Variants in SYCP2 observed in about 807,000 individuals in gnomAD.
The protein encoded by SYCP2 is synaptonemal complex protein 2, also known as synaptonemal complex lateral element protein.
In SYCP2, 55 loss-of-function variants were observed where a neutral mutation model predicts 211.3. That is an observed-to-expected ratio of 0.26 (90% CI 0.21 to 0.33). SYCP2 has a LOEUF of 0.33. SYCP2 is among the 10% of genes least tolerant of loss of function. The pLI, the probability that SYCP2 is intolerant of heterozygous loss-of-function variation, is 1.00. For synonymous variants in SYCP2, 570 were observed against 555.2 expected, an observed-to-expected ratio of 1.03 and a Z score of -0.37; for missense variants, 1,731 against 1,752.0, an observed-to-expected ratio of 0.99 and a Z score of 0.21.
chr20:59,868,562 G>A lies in SYCP2; in HGVS notation c.3839C>T (p.Thr1280Ile). The A allele has an allele frequency of 3.1e-6, 5 of 1,598,570 alleles. No homozygotes were observed. The highest frequency in any genetic ancestry group is 4.3e-6 in the Non-Finnish European group (5 of 1,175,626). Residue 1280 changes from threonine to isoleucine, a missense_variant, in exon 38 of 45, where the codon ACC (threonine) becomes ATC (isoleucine). Thr to Ile is a moderately conservative substitution (Grantham distance 89, BLOSUM62 -1). This residue lies in a region of SYCP2 where 1,387 missense variants were observed against 1,351.3 expected (regional missense o/e 1.03). Coordinates refer to ENST00000357552, the MANE Select transcript of SYCP2 (RefSeq NM_014258.4). ...TATTCTTTTGCGACTAAGATGTTGG[G>A]TGGGGCCTTAGGAACAGTTAAAGAA... ...PCDATHVSGP[T>I]QHLSRKRIYI...
chr20:59,899,906 T>C (rs946798226), intron 18 of SYCP2: 4 of 479,236 alleles, frequency 8.3e-6, no homozygotes, highest in African/African-American at 5.9e-5. Context: ...ATCTCTAATC[T>C]GCAATTTACA....
chr20:59,864,502 CTTCT>C lies in SYCP2; in HGVS notation c.4516-118_4516-115del. On this transcript the variant is annotated intron_variant, in intron 44 of 44. Coordinates refer to ENST00000357552, the MANE Select transcript of SYCP2 (RefSeq NM_014258.4). ...TTATTAGTGATTCATTTTAAAACAACTTCTTTCATGAAGATATTGCATTCTAACA... is the reference window on the plus strand; with the variant it reads ...TTATTAGTGATTCATTTTAAAACAACTTCATGAAGATATTGCATTCTAACA... 7.3e-6 allele frequency: 5 copies of C among 687,202 alleles called. No homozygotes were observed. In the Admixed American group the frequency reaches 8.9e-5, roughly 12 times the overall value. 42.6% of individuals were successfully genotyped at this position (687,202 alleles called of 1,614,324 possible). A position where few individuals can be genotyped will look rare whatever the true frequency, so the allele number is the denominator to read the frequency against.
chr20:59,882,160 T>A lies in SYCP2; in HGVS notation c.2535A>T (p.Lys845Asn). 4 of 1,609,700 alleles carry A rather than the reference T, an allele frequency of 2.5e-6. No individual in the cohort carries two copies. In the Admixed American group the frequency reaches 5.0e-5, roughly 20 times the overall value. Reference protein sequence around the residue: ...NKPVVQLSKEKVQKKSYRKLK... With the variant: ...NKPVVQLSKENVQKKSYRKLK... ...GTTTTCTGTAGCTTTTTTTCTGAAC[T>A]TTTTCCTGAAAAGAGGGTTATAAAA... is the stretch of plus-strand genomic sequence containing the variant. The change falls in exon 27 of 45, where the codon AAA becomes AAT. Residue 845 changes from lysine (K) to asparagine (N), a missense_variant. Transcript: ENST00000357552.
intron 1 of SYCP2, among the ~76,000 whole-genome samples, chr20:59,932,944 C>T (rs1022983843): frequency 6.6e-6 from 1 of 152,084 alleles, no homozygotes; most frequent in African/African-American, 2.4e-5. Context: ...GTGGAACCGG[C>T]AGTGGCAACA....
At chr20:59,919,102 C>T in intron 7 of SYCP2, 56 bp downstream of exon 7, 1 of 934,000 alleles carries the variant, frequency 1.1e-6, no homozygotes, top group South Asian at 1.5e-5. Flanking sequence ...TAAAATTATA[C>T]TAAAACTCTA....
intron 24 of SYCP2, 125 bp downstream of exon 24, chr20:59,891,865 G>A: frequency 2.5e-6 from 2 of 792,048 alleles, no homozygotes; most frequent in Non-Finnish European, 3.9e-6. Context: ...GAGAGTCTGG[G>A]CACTGAATTA....
intron 11 of SYCP2, 38 bp downstream of exon 11, chr20:59,914,071 A>T (rs745386546): frequency 6.3e-7 from 1 of 1,577,100 alleles, no homozygotes; most frequent in African/African-American, 1.4e-5. Context: ...AATAATTTTT[A>T]AAAATTCACG....
In SYCP2 at chr20:59,901,645, TAAGTTTA is replaced by T; in HGVS notation, c.1182+10_1182+16del. On this transcript the variant is annotated intron_variant, in intron 16 of 44. Coordinates refer to ENST00000357552, the MANE Select transcript of SYCP2 (RefSeq NM_014258.4). ...AATTATGAAAATAGTAAATATTTAT[TAAGTTTA>T]AAGACTTACCCTATGTTTAGTTGCA... 1 of 1,360,696 alleles carries T rather than the reference TAAGTTTA, an allele frequency of 7.3e-7. No individual in the cohort carries two copies. 84.3% of individuals were successfully genotyped at this position (1,360,696 alleles called of 1,614,324 possible).
Position 59,875,336 on chromosome 20 carries a change from T to A in SYCP2, c.3284A>T (p.Asp1095Val). 6.2e-7 allele frequency: 1 copy of A among 1,612,454 alleles called. No individual in the cohort carries two copies. Among genetic ancestry groups the A allele is most frequent in the Non-Finnish European group, 8.5e-7 (1 of 1,179,094 alleles). ...NSSLLKDAIRDNCLDLSPRSL... is the reference protein window; with the variant it reads ...NSSLLKDAIRVNCLDLSPRSL... The stretch of plus-strand genomic sequence containing the variant: ...TCTGGGAGATAAGTCAAGGCAATTA[T>A]CTCGTATAGCATCTTTTAGTAGAGA... Residue 1095 changes from aspartate to valine, a missense_variant, in exon 34 of 45, where the codon GAT becomes GTT. Asp to Val is a radical substitution (Grantham distance 152). Around this residue, in one of 3 missense-constraint regions of SYCP2, gnomAD observed 1,387 missense variants for 1,351.3 expected, o/e 1.03. Transcript: ENST00000357552.
rs558094075 is a variant in SYCP2 at position 59,895,444 on chromosome 20, A to T, written c.1658T>A (p.Ile553Lys). The change falls in exon 20 of 45, where the codon ATA (isoleucine) becomes AAA (lysine). Residue 553 changes from isoleucine to lysine, a missense_variant. Physicochemically the swap from Ile to Lys is moderately radical, Grantham distance 102. Around this residue, in one of 3 missense-constraint regions of SYCP2, gnomAD observed 1,387 missense variants for 1,351.3 expected, o/e 1.03. Transcript: ENST00000357552. ...CTTTCAAGGTAAAGTTACTTTGTCT[A>T]TATTATCTCTTCTATGTCTTCCTTC... ...SSEGRHRRDN[I>K]DKHIKTAKCV... The T allele has an allele frequency of 6.2e-7, 1 of 1,601,862 alleles. No homozygotes were observed. Among genetic ancestry groups the T allele is most frequent in the Admixed American group, 1.7e-5 (1 of 57,376 alleles).
rs2060386142 is a variant in SYCP2, at chr20:59,914,110, G to A, written c.776C>T (p.Thr259Ile). The A allele has an allele frequency of 1.3e-6, 2 of 1,595,218 alleles. No individual in the cohort carries two copies. Residue 259 changes from threonine to isoleucine, a missense_variant and splice_region_variant, in exon 11 of 45, where the codon ACA becomes ATA. Transcript: ENST00000357552. ...TTCTGTTATTGTTATACAACTTACT[G>A]TTTCAAATTCAGAGTCCTTAATTCT... ...FKRIKDSEFE[T>I]DCRIFLNLVN... is the part of the protein sequence containing the mutation.
intron 5 of SYCP2, 151 bp from the exon 6 acceptor site, chr20:59,919,748 T>A (rs2060506342): frequency 2.0e-6 from 1 of 499,840 alleles, no homozygotes; most frequent in Non-Finnish European, 3.5e-6. Context: ...TTTTTAAAGA[T>A]CTTCCTTGTT....
rs1345176057 is a variant in SYCP2 at position 59,875,395 on chromosome 20, T to C, written c.3225A>G (p.Thr1075=). The change falls in exon 34 of 45, where the codon ACA becomes ACG. Residue 1075 remains threonine (T), a synonymous_variant. Coordinates refer to ENST00000357552, the MANE Select transcript of SYCP2 (RefSeq NM_014258.4). Reference sequence around the variant, plus strand: ...TCCATTGTTTTGATAGTTCCTTTTCTGTTTCAGCACAGAAGACTTTCTGTT... The same window carrying C: ...TCCATTGTTTTGATAGTTCCTTTTCCGTTTCAGCACAGAAGACTTTCTGTT... ...KKQQKVFCAE[T]EKELSKQWKN... is the part of the protein sequence containing the mutation. The C allele has an allele frequency of 3.7e-6, 6 of 1,613,056 alleles. No homozygotes were observed. Among genetic ancestry groups the C allele is most frequent in the Middle Eastern group, 3.3e-4 (2 of 6,064 alleles).
At chr20:59,895,646 T>A in intron 19 of SYCP2, 49 bp from the exon 20 acceptor site, 1 of 1,590,094 alleles carries the variant, frequency 6.3e-7, no homozygotes, top group Non-Finnish European at 8.6e-7. Context: ...TACCTATTGC[T>A]ATTATTGAGG....
chr20:59,873,833 G>A (rs769908529), intron 35 of SYCP2, 23 bp downstream of exon 35: 1 of 1,565,152 alleles, frequency 6.4e-7, no homozygotes. Context: ...CTGATAAAGA[G>A]AAAAATATAT....
intron 8 of SYCP2, 63 bp from the exon 9 acceptor site, chr20:59,915,613 A>T (rs1402598977): frequency 9.6e-7 from 1 of 1,042,090 alleles, no homozygotes; most frequent in African/African-American, 1.6e-5. Context: ...TAAGAGAAAT[A>T]TTCTAGGCAC....
chr20:59,890,566 A>ATAGGTAGG (rs1409603464), intron 24 of SYCP2, among the ~76,000 whole-genome samples: 1 of 151,104 alleles, frequency 6.6e-6, no homozygotes, highest in Non-Finnish European at 1.5e-5. Flanking sequence ...AAATAGGTAG[A>ATAGGTAGG]TAGGTAGGTA....
chr20:59,932,273 A>G (rs140855916), intron 1 of SYCP2, 119 bp from the exon 2 acceptor site: 110 of 152,352 alleles, frequency 7.2e-4, no homozygotes, highest in African/African-American at 2.5e-3. Flanking sequence ...AAGCAGCAGT[A>G]GATAATTCAA....
chr20:59,911,696 A>C, intron 14 of SYCP2, 54 bp downstream of exon 14: 2 of 768,934 alleles, frequency 2.6e-6, no homozygotes, highest in Non-Finnish European at 4.0e-6. Context: ...AAAGTAAGTA[A>C]AAATCTTATA....
Sources: allele counts gnomAD v4.1 joint callset (sites outside exome capture counted in the v4.1 genomes callset), GRCh38; gene constraint gnomAD v4.1.1; regional missense constraint gnomAD v4.1.1; transcripts MANE v1.5; gene names NCBI Gene and HGNC (gene_info 2026-07-23, HGNC 2026-07-21).